Variants in ERBIN observed in about 807,000 individuals in gnomAD.
ERBIN encodes the protein densin-180-like protein.
A neutral mutation model predicts 158.4 loss-of-function variants in ERBIN; 60 were observed. The observed-to-expected ratio is 0.38, with a 90% CI of 0.31 to 0.47. The LOEUF is 0.47. ERBIN is among the 20% of genes least tolerant of loss of function. The probability of loss-of-function intolerance (pLI) is 0.99; values close to 1 mark genes in which losing one functional copy is unlikely to be tolerated. For synonymous variants in ERBIN, 594 were observed against 557.2 expected (o/e 1.07, Z -0.93); for missense variants, 1,610 against 1,648.0 (o/e 0.98, Z 0.40).
intron 21 of ERBIN, among the ~76,000 whole-genome samples, chr5:66,060,989 T>C (rs922763157): frequency 6.6e-6 from 1 of 152,128 alleles, no homozygotes; most frequent in Non-Finnish European, 1.5e-5. Flanking sequence ...TTGGAATAGG[T>C]GTGGTGTGGT....
intron 1 of ERBIN, among the ~76,000 whole-genome samples, chr5:65,977,201 C>A (rs1242060438): frequency 1.1e-3 from 151 of 135,108 alleles, no homozygotes; most frequent in African/African-American, 4.0e-3. Flanking sequence ...GGGGCTGACC[C>A]CCCCCCACCT....
chr5:65,938,675 T>TC (rs1744390765), intron 1 of ERBIN, among the ~76,000 whole-genome samples: 1 of 152,024 alleles, frequency 6.6e-6, no homozygotes, highest in South Asian at 2.1e-4. Flanking sequence ...GCCTCAGCCT[T>TC]CCAAGTAGCT....
chr5:65,949,305 C>G (rs428880), intron 1 of ERBIN, among the ~76,000 whole-genome samples: 2 of 152,006 alleles, frequency 1.3e-5, no homozygotes, highest in South Asian at 2.1e-4. Flanking sequence ...TTCAGACTTT[C>G]TAATAGTTAC....
intron 5 of ERBIN, 61 bp downstream of exon 5, chr5:66,012,188 A>G: frequency 9.0e-7 from 1 of 1,108,140 alleles, no homozygotes; most frequent in Non-Finnish European, 1.3e-6. Flanking sequence ...AAACTAGTAG[A>G]TATTATTGTA....
At chr5:65,940,323 A>G (rs1380684095) in intron 1 of ERBIN, among the ~76,000 whole-genome samples, 5 of 118,158 alleles carry the variant, frequency 4.2e-5, no homozygotes, top group South Asian at 2.9e-4. Flanking sequence ...ACCGCCCCAT[A>G]TGAGAAGTGA....
intron 1 of ERBIN, among the ~76,000 whole-genome samples, chr5:65,979,871 G>T (rs1272319967): frequency 6.6e-6 from 1 of 152,132 alleles, no homozygotes; most frequent in African/African-American, 2.4e-5. Flanking sequence ...CGAATTTATA[G>T]TATGTATCAG....
intron 1 of ERBIN, among the ~76,000 whole-genome samples, chr5:65,962,493 C>T (rs959061363): frequency 1.3e-5 from 2 of 152,086 alleles, no homozygotes; most frequent in African/African-American, 2.4e-5. Context: ...TATGGTTCTG[C>T]CTAAATCTCC....
intron 7 of ERBIN, among the ~76,000 whole-genome samples, chr5:66,015,389 C>CAA (rs4018979): frequency 0.99 from 151,076 of 152,270 alleles, 75,003 homozygotes; most frequent in Non-Finnish European, 1. Flanking sequence ...TTTTTGTAAA[C>CAA]AAGTTTCGTT....
At position 66,019,628 on chromosome 5, in the gene ERBIN, T is replaced by C. The variant is rs568048978; in HGVS notation, c.534-1694T>C. ...CTATAGAGAGTTGAGGTGGAGACTC[T>C]TTTTGACATGACAGTATATTTTCTT... On this transcript the variant is annotated intron_variant, in intron 7 of 25. Transcript: ENST00000284037. Among the ~76,000 whole-genome samples the C allele has an allele frequency of 2.6e-4, 40 of 152,292 alleles. No individual in the cohort carries two copies. In the South Asian group the frequency reaches 8.3e-3, roughly 32 times the overall value.
At chr5:65,968,460 A>G (rs979337132) in intron 1 of ERBIN, among the ~76,000 whole-genome samples, 2 of 152,224 alleles carry the variant, frequency 1.3e-5, no homozygotes, top group African/African-American at 4.8e-5. Context: ...GGAAAAGAAA[A>G]TTGACATCAC....
At chr5:65,932,356 A>T (rs964811632) in intron 1 of ERBIN, among the ~76,000 whole-genome samples, 71 of 151,484 alleles carry the variant, frequency 4.7e-4, no homozygotes, top group African/African-American at 1.7e-3. Context: ...AAAAAAAAAA[A>T]GACATAAACC....
chr5:66,034,621 A>G lies in ERBIN; in HGVS notation c.1207-3762A>G, dbSNP rs546687215. On this transcript the variant is annotated intron_variant, in intron 14 of 25. Coordinates refer to ENST00000284037, the MANE Select transcript of ERBIN (RefSeq NM_001253697.2). The stretch of plus-strand genomic sequence containing the variant: ...TTCTTGAATCCTTTTTTTTTTTTTT[A>G]AGGAAGATATTTTCAGAACACAGTT... Among the ~76,000 whole-genome samples, 28 of 146,998 alleles carry G rather than the reference A, an allele frequency of 1.9e-4. No homozygotes were observed. The South Asian group carries it at 5.9e-3, about 31-fold the overall frequency.
intron 15 of ERBIN, among the ~76,000 whole-genome samples, chr5:66,039,020 C>T (rs1757678978): frequency 6.8e-6 from 1 of 147,928 alleles, no homozygotes; most frequent in Non-Finnish European, 1.5e-5. Context: ...ATGTTGTACT[C>T]TCTGCGTGTG....
Position 66,054,468 on chromosome 5 carries a change from A to G in ERBIN, c.3150A>G (p.Pro1050=). Residue 1050 remains proline, a synonymous_variant, in exon 21 of 26, where the codon CCA becomes CCG. Transcript: ENST00000284037. ...ACCATTTACATCAGAGACTTGGCCC[A>G]GCAAGACATGGGGAAATGTGGGCCA... ...TAYHLHQRLG[P]ARHGEMWAIS... is the part of the protein sequence containing the mutation. The G allele has an allele frequency of 6.2e-7, 1 of 1,614,226 alleles. No homozygotes were observed. The highest frequency in any genetic ancestry group is 1.1e-5 in the South Asian group (1 of 91,088).
rs577027067 is a variant in ERBIN, at chr5:66,028,115, C to T, written c.1137-159C>T. 2.0e-5 allele frequency among the ~76,000 whole-genome samples: 3 copies of T among 151,958 alleles called. No individual in the cohort carries two copies. The South Asian group carries it at 6.2e-4, about 32-fold the overall frequency. ...AAAACTAGATATTTTGTTTTATGTC[C>T]TATACGAAGAATTATATTGGACTTT... On this transcript the variant is annotated intron_variant, in intron 13 of 25. Coordinates refer to ENST00000284037, the MANE Select transcript of ERBIN (RefSeq NM_001253697.2).
chr5:66,072,613 T>C (rs191162756), intron 22 of ERBIN, among the ~76,000 whole-genome samples: 1 of 152,342 alleles, frequency 6.6e-6, no homozygotes, highest in Admixed American at 6.5e-5. Flanking sequence ...ATTTGGAGAA[T>C]TGAAAATGAA....
intron 1 of ERBIN, among the ~76,000 whole-genome samples, chr5:65,968,991 C>T (rs988016256): frequency 1.3e-5 from 2 of 152,172 alleles, no homozygotes; most frequent in Non-Finnish European, 2.9e-5. Context: ...ATTGAGAGGT[C>T]TCTTCCCTTC....
chr5:65,980,220 A>G (rs1750501257), intron 1 of ERBIN, among the ~76,000 whole-genome samples: 1 of 152,326 alleles, frequency 6.6e-6, no homozygotes, highest in Non-Finnish European at 1.5e-5. Context: ...GTTCGAGACC[A>G]GCCTGGCCAA....
chr5:65,942,940 T>C lies in ERBIN; in HGVS notation c.-58+16134T>C, dbSNP rs533195711. Among the ~76,000 whole-genome samples, 271 of 151,512 alleles carry C rather than the reference T, an allele frequency of 1.8e-3. 1 individual carries two copies. The highest frequency in any genetic ancestry group is 6.4e-3 in the African/African-American group (263 of 41,388). ...AAAAAAAAAAATAGACTTTAAGTTT[T>C]TTGAGTAGTTTCAGGTTTACAGAAA... On this transcript the variant is annotated intron_variant, in intron 1 of 25. Coordinates refer to ENST00000284037, the MANE Select transcript of ERBIN (RefSeq NM_001253697.2).
Sources: allele counts gnomAD v4.1 joint callset (sites outside exome capture counted in the v4.1 genomes callset), GRCh38; gene constraint gnomAD v4.1.1; transcripts MANE v1.5; gene names NCBI Gene and HGNC (gene_info 2026-07-23, HGNC 2026-07-21).